PAPPA2: variants seen among roughly 807,000 people sequenced by gnomAD.
PAPPA2 encodes pappalysin 2.
PAPPA2 carries 86 observed loss-of-function variants against 176.4 expected under a neutral mutation model. The observed-to-expected ratio is 0.49, with a 90% confidence interval of 0.41 to 0.58. The LOEUF is 0.58. PAPPA2 is among the 20% of genes least tolerant of loss of function. PAPPA2 has a pLI of 0.00. For synonymous variants in PAPPA2, 809 were observed against 852.2 expected (o/e 0.95, Z 0.88); for missense variants, 2,073 against 2,256.9 (o/e 0.92, Z 1.65).
At chr1:176,636,781 G>C (rs1270668095) in intron 3 of PAPPA2, among the ~76,000 whole-genome samples, 2 of 152,082 alleles carry the variant, frequency 1.3e-5, no homozygotes, top group Non-Finnish European at 2.9e-5. Flanking sequence ...GGCACATAAA[G>C]ACCTAGGTTT....
intron 2 of PAPPA2, among the ~76,000 whole-genome samples, chr1:176,563,916 G>T (rs1272759191): frequency 6.6e-6 from 1 of 151,396 alleles, no homozygotes; most frequent in Non-Finnish European, 1.5e-5. Context: ...ACTCAAAAAG[G>T]CCTTGCAGGA....
intron 2 of PAPPA2, among the ~76,000 whole-genome samples, chr1:176,570,500 A>G (rs1652258747): frequency 6.6e-6 from 1 of 152,170 alleles, no homozygotes. Flanking sequence ...GCTCTATTTT[A>G]GACATTGTTT....
In PAPPA2 at chr1:176,789,860, C is replaced by A. The variant is rs1468665543; in HGVS notation, c.4767C>A (p.Ser1589Arg). Reference sequence around the variant, plus strand: ...AAGGTGGAATCTGGGAGCAAGGCAGCTGCATTCCTGTGGTGTGTGAGCCAC... The same window carrying A: ...AAGGTGGAATCTGGGAGCAAGGCAGATGCATTCCTGTGGTGTGTGAGCCAC... ...CLEGGIWEQGSCIPVVCEPPP... is the reference protein window; with the variant it reads ...CLEGGIWEQGRCIPVVCEPPP... The change falls in exon 18 of 23, where the codon AGC becomes AGA. Residue 1589 changes from serine (S) to arginine (R), a missense_variant. Coordinates refer to ENST00000367662, the MANE Select transcript of PAPPA2 (RefSeq NM_020318.3). 3 of 1,613,996 alleles carry A rather than the reference C, an allele frequency of 1.9e-6. No homozygotes were observed. The highest frequency in any genetic ancestry group is 1.7e-6 in the Non-Finnish European group (2 of 1,180,002).
At chr1:176,587,071 C>A (rs954266519) in intron 2 of PAPPA2, among the ~76,000 whole-genome samples, 2 of 151,576 alleles carry the variant, frequency 1.3e-5, no homozygotes, top group African/African-American at 4.8e-5. Context: ...GTTTGTTGGC[C>A]ACTTAAATGT....
At chr1:176,760,910 C>G (rs889168135) in intron 14 of PAPPA2, among the ~76,000 whole-genome samples, 1 of 152,256 alleles carries the variant, frequency 6.6e-6, no homozygotes, top group East Asian at 1.9e-4. Context: ...CAAGCTCTAC[C>G]TCCTGGGTTC....
chr1:176,634,965 A>AG (rs1656603544), intron 3 of PAPPA2, among the ~76,000 whole-genome samples: 1 of 119,066 alleles, frequency 8.4e-6, no homozygotes, highest in Non-Finnish European at 1.8e-5. Flanking sequence ...ATAGATAGAT[A>AG]AATAGATAGA....
intron 21 of PAPPA2, among the ~76,000 whole-genome samples, chr1:176,803,283 A>G (rs756647728): frequency 1.3e-5 from 2 of 152,154 alleles, no homozygotes; most frequent in Non-Finnish European, 2.9e-5. Flanking sequence ...TACATAACGC[A>G]TTGAGTGTCA....
chr1:176,558,465 C>T (rs1009174545), intron 2 of PAPPA2, among the ~76,000 whole-genome samples: 2 of 152,192 alleles, frequency 1.3e-5, no homozygotes, highest in African/African-American at 2.4e-5. Flanking sequence ...CTTCCGGACA[C>T]TCTGTCTCCC....
At chr1:176,604,698 T>G (rs1462250274) in intron 3 of PAPPA2, among the ~76,000 whole-genome samples, 1 of 152,248 alleles carries the variant, frequency 6.6e-6, no homozygotes, top group Non-Finnish European at 1.5e-5. Context: ...CATACCATAC[T>G]GTAACTTCCC....
intron 2 of PAPPA2, among the ~76,000 whole-genome samples, chr1:176,574,237 A>G (rs1272531310): frequency 6.6e-6 from 1 of 152,198 alleles, no homozygotes; most frequent in Non-Finnish European, 1.5e-5. Context: ...GAATAATAAT[A>G]TGGAATATTT....
chr1:176,522,638 C>T (rs1649274280), intron 1 of PAPPA2, among the ~76,000 whole-genome samples: 1 of 152,246 alleles, frequency 6.6e-6, no homozygotes, highest in Non-Finnish European at 1.5e-5. Flanking sequence ...TGTTCTCTCT[C>T]TCTCTGAGTG....
intron 8 of PAPPA2, among the ~76,000 whole-genome samples, chr1:176,702,073 A>G (rs1457486845): frequency 6.6e-6 from 1 of 152,132 alleles, no homozygotes; most frequent in African/African-American, 2.4e-5. Flanking sequence ...GCTTCCCCCA[A>G]ATTGTGACAA....
intron 1 of PAPPA2, among the ~76,000 whole-genome samples, chr1:176,473,848 G>T (rs535506879): frequency 2.4e-4 from 36 of 152,254 alleles, no homozygotes; most frequent in South Asian, 1.7e-3. Context: ...TGAGGTTTCT[G>T]TTCCAGTCTT....
chr1:176,503,375 A>G (rs888971431), intron 1 of PAPPA2, among the ~76,000 whole-genome samples: 16 of 152,172 alleles, frequency 1.1e-4, no homozygotes, highest in Non-Finnish European at 2.9e-5. Flanking sequence ...CTGATCAGTA[A>G]TCTTAATCCC....
chr1:176,522,379 G>C (rs1369273715), intron 1 of PAPPA2, among the ~76,000 whole-genome samples: 2 of 152,066 alleles, frequency 1.3e-5, no homozygotes, highest in Admixed American at 1.3e-4. Context: ...TCTATGTCAT[G>C]GTTCCTCTCT....
At chr1:176,643,651 C>T (rs1260757399) in intron 3 of PAPPA2, among the ~76,000 whole-genome samples, 1 of 151,690 alleles carries the variant, frequency 6.6e-6, no homozygotes, top group Non-Finnish European at 1.5e-5. Flanking sequence ...ATGCTTAGCT[C>T]TAGATTTCCT....
In PAPPA2 at chr1:176,765,728, A is replaced by G. The variant is rs372538389; in HGVS notation, c.4214A>G (p.Asp1405Gly). ...SCPSLLLDHADVVNCTSIGPG... is the reference protein window; with the variant it reads ...SCPSLLLDHAGVVNCTSIGPG... ...CCGTCATTGCTGCTTGATCATGCTG[A>G]TGTGGTGAACTGTACCTCTATAGGC... The change falls in exon 15 of 23, where the codon GAT becomes GGT. Residue 1405 changes from aspartate (D) to glycine (G), a missense_variant. Physicochemically the swap from Asp to Gly is moderately conservative, Grantham distance 94. Coordinates refer to ENST00000367662, the MANE Select transcript of PAPPA2 (RefSeq NM_020318.3). 3 of 1,613,858 alleles carry G rather than the reference A, an allele frequency of 1.9e-6. No individual in the cohort carries two copies. The highest frequency in any genetic ancestry group is 2.5e-6 in the Non-Finnish European group (3 of 1,180,010).
intron 3 of PAPPA2, chr1:176,616,658 T>C (rs765640188): frequency 1.1e-5 from 17 of 1,565,642 alleles, no homozygotes; most frequent in Non-Finnish European, 1.4e-5. Context: ...CTCTTACTAT[T>C]GTGGTAGCTC....
intron 8 of PAPPA2, among the ~76,000 whole-genome samples, chr1:176,700,082 A>G (rs1270797528): frequency 2.6e-5 from 4 of 151,670 alleles, no homozygotes; most frequent in Non-Finnish European, 5.9e-5. Flanking sequence ...CCCTTCTCTC[A>G]TTTTCCCCCC....
Sources: allele counts gnomAD v4.1 joint callset (sites outside exome capture counted in the v4.1 genomes callset), GRCh38; gene constraint gnomAD v4.1.1; transcripts MANE v1.5; gene names NCBI Gene and HGNC (gene_info 2026-07-23, HGNC 2026-07-21).